Variants in C8orf34 observed in about 807,000 individuals in gnomAD.
The protein encoded by C8orf34 is uncharacterized protein C8orf34.
A neutral mutation model predicts 68.3 loss-of-function variants in C8orf34; 65 were observed. That is an observed-to-expected ratio of 0.95 (90% CI 0.78 to 1.17). The LOEUF (loss-of-function observed/expected upper bound fraction) is 1.17, where lower values mean the gene tolerates loss of function less well. Ranked by LOEUF, C8orf34 falls within the 50% of genes most tolerant of loss-of-function variation. The pLI, the probability that C8orf34 is intolerant of heterozygous loss-of-function variation, is 0.00. For synonymous variants in C8orf34, 244 were observed against 241.2 expected (o/e 1.01, Z -0.11); for missense variants, 664 against 655.4 (o/e 1.01, Z -0.14).
At chr8:68,752,055 G>A (rs549856047) in intron 10 of C8orf34, among the ~76,000 whole-genome samples, 2 of 152,202 alleles carry the variant, frequency 1.3e-5, no homozygotes, top group South Asian at 4.2e-4. Flanking sequence ...AACTCTAACA[G>A]CAGTTGAATT....
intron 1 of C8orf34, among the ~76,000 whole-genome samples, chr8:68,333,735 A>C (rs1805729553): frequency 6.6e-6 from 1 of 152,184 alleles, no homozygotes; most frequent in African/African-American, 2.4e-5. Context: ...AAGCAGCACA[A>C]ATGTTTGCTA....
In C8orf34 at chr8:68,818,427, A is replaced by G. The variant is rs941872417; in HGVS notation, c.*181A>G. 6.3e-6 allele frequency: 4 copies of G among 638,952 alleles called. No homozygotes were observed. The highest frequency in any genetic ancestry group is 5.5e-5 in the African/African-American group (3 of 54,636). The allele number at this position is 638,952 out of a possible 1,614,324, so 39.6% of individuals were successfully genotyped here. On this transcript the variant is annotated 3_prime_UTR_variant, in exon 14 of 14. Coordinates refer to ENST00000518698, the MANE Select transcript of C8orf34 (RefSeq NM_052958.4). ...CCAAGTATGTAATCAGAGAACACTA[A>G]TCCTGGCAAAGGATTGTGGGGTGGT... is the stretch of plus-strand genomic sequence containing the variant.
chr8:68,605,631 C>A (rs1349336787), intron 7 of C8orf34, among the ~76,000 whole-genome samples: 2 of 151,994 alleles, frequency 1.3e-5, no homozygotes, highest in African/African-American at 2.4e-5. Flanking sequence ...TCTGAAAAGA[C>A]TAGGTACTGT....
intron 1 of C8orf34, among the ~76,000 whole-genome samples, chr8:68,388,706 C>T (rs16934546): frequency 6.6e-6 from 1 of 152,074 alleles, no homozygotes; most frequent in African/African-American, 2.4e-5. Flanking sequence ...TTTCTTGATA[C>T]AGATCAGTTG....
chr8:68,434,682 G>A (rs1234060488), intron 1 of C8orf34, among the ~76,000 whole-genome samples: 1 of 152,162 alleles, frequency 6.6e-6, no homozygotes, highest in Admixed American at 6.6e-5. Context: ...ACAGGTATTA[G>A]TGCAGGGAGT....
At chr8:68,414,376 G>A (rs760618794) in intron 1 of C8orf34, among the ~76,000 whole-genome samples, 3 of 152,142 alleles carry the variant, frequency 2.0e-5, no homozygotes, top group Non-Finnish European at 2.9e-5. Flanking sequence ...GATGTATCAA[G>A]GGAACCTTTG....
intron 10 of C8orf34, among the ~76,000 whole-genome samples, chr8:68,748,184 T>C (rs1353637020): frequency 3.1e-5 from 4 of 129,102 alleles, no homozygotes; most frequent in East Asian, 2.1e-4. Context: ...GCTAGCCATA[T>C]GTAGAAAGCT....
intron 6 of C8orf34, chr8:68,530,521 A>G: frequency 1.6e-6 from 1 of 610,658 alleles, no homozygotes; most frequent in South Asian, 2.4e-5. Context: ...TTTTGTTTTG[A>G]TTGGTTTTGT....
At chr8:68,590,715 T>G (rs1372347866) in intron 7 of C8orf34, among the ~76,000 whole-genome samples, 1 of 152,198 alleles carries the variant, frequency 6.6e-6, no homozygotes. Flanking sequence ...GCTTGAGGCC[T>G]CTAGGAGACG....
chr8:68,665,795 A>G (rs1819820214), intron 8 of C8orf34, among the ~76,000 whole-genome samples: 1 of 151,160 alleles, frequency 6.6e-6, no homozygotes, highest in South Asian at 2.1e-4. Context: ...TCTCTTTACC[A>G]CACTTTTTTC....
Position 68,540,878 on chromosome 8 carries a change from G to A in C8orf34, c.1105+7729G>A, listed in dbSNP as rs571296209. Among the ~76,000 whole-genome samples, 39 of 151,930 alleles carry A rather than the reference G, an allele frequency of 2.6e-4. No individual in the cohort carries two copies. In the East Asian group the frequency reaches 6.4e-3, roughly 25 times the overall value. On this transcript the variant is annotated intron_variant, in intron 7 of 13. Coordinates refer to ENST00000518698, the MANE Select transcript of C8orf34 (RefSeq NM_052958.4). ...AAAGAAAGAAAGAATTTAAAATAGA[G>A]TATTATTAATATGGTAAAACAAAGT... is the stretch of plus-strand genomic sequence containing the variant.
At chr8:68,594,109 T>C (rs893534348) in intron 7 of C8orf34, among the ~76,000 whole-genome samples, 1 of 152,094 alleles carries the variant, frequency 6.6e-6, no homozygotes, top group Non-Finnish European at 1.5e-5. Context: ...GAAAGTCTTG[T>C]GGTCTTGGGA....
intron 7 of C8orf34, among the ~76,000 whole-genome samples, chr8:68,636,348 G>A (rs1818842985): frequency 6.6e-6 from 1 of 151,920 alleles, no homozygotes; most frequent in Admixed American, 6.6e-5. Context: ...GGGCAAGGTG[G>A]GCAGATCACA....
chr8:68,488,879 A>G (rs570168754), intron 5 of C8orf34, among the ~76,000 whole-genome samples: 1 of 152,268 alleles, frequency 6.6e-6, no homozygotes, highest in South Asian at 2.1e-4. Context: ...AGGACCCCAA[A>G]GAGTCTTGAT....
intron 12 of C8orf34, among the ~76,000 whole-genome samples, chr8:68,804,457 C>T (rs964984610): frequency 3.3e-5 from 5 of 152,072 alleles, no homozygotes; most frequent in Non-Finnish European, 7.4e-5. Context: ...AGCTAAGTAT[C>T]CCCTTTATTA....
chr8:68,367,907 G>GAAAAAAAAAAAAAA (rs1807360133), intron 1 of C8orf34, among the ~76,000 whole-genome samples: 13 of 15,022 alleles, frequency 8.7e-4, no homozygotes, highest in Admixed American at 7.1e-4. Context: ...AATAAAAAAA[G>GAAAAAAAAAAAAAA]AAAAGAAAAA....
intron 8 of C8orf34, among the ~76,000 whole-genome samples, chr8:68,701,949 C>T (rs1329129242): frequency 6.6e-6 from 1 of 152,004 alleles, no homozygotes; most frequent in Non-Finnish European, 1.5e-5. Flanking sequence ...GCTCACAGAT[C>T]ACCTTCAGGG....
chr8:68,752,444 A>G (rs2129527674), intron 10 of C8orf34, among the ~76,000 whole-genome samples: 1 of 152,224 alleles, frequency 6.6e-6, no homozygotes, highest in African/African-American at 2.4e-5. Context: ...ATCTTTCCCC[A>G]ACTTTATACA....
chr8:68,448,839 G>T lies in C8orf34; in HGVS notation c.607+2379G>T, dbSNP rs1026926898. Among the ~76,000 whole-genome samples the T allele has an allele frequency of 4.6e-5, 7 of 151,982 alleles. 1 individual carries two copies. Among genetic ancestry groups the T allele is most frequent in the Non-Finnish European group, 8.8e-5 (6 of 67,910 alleles). On this transcript the variant is annotated intron_variant, in intron 3 of 13. Coordinates refer to ENST00000518698, the MANE Select transcript of C8orf34 (RefSeq NM_052958.4). ...AAACAGTTTGAAACTCCAACAAAAA[G>T]AAGCCTATATGGCTAAAGTAATATC... is the stretch of plus-strand genomic sequence containing the variant.
Sources: allele counts gnomAD v4.1 joint callset (sites outside exome capture counted in the v4.1 genomes callset), GRCh38; gene constraint gnomAD v4.1.1; transcripts MANE v1.5; gene names NCBI Gene and HGNC (gene_info 2026-07-23, HGNC 2026-07-21).